Variants in APP observed in about 807,000 individuals in gnomAD.
The protein encoded by APP is amyloid beta precursor protein.
In APP, 31 loss-of-function variants were observed where a neutral mutation model predicts 101.4. The observed-to-expected ratio is 0.31, with a 90% CI of 0.23 to 0.41. The LOEUF is 0.41. Ranked by LOEUF, APP falls within the 10% of genes least tolerant of loss-of-function variation. The probability of loss-of-function intolerance (pLI) is 1.00; values close to 1 mark genes in which losing one functional copy is unlikely to be tolerated. For synonymous variants in APP, 366 were observed against 364.4 expected (o/e 1.00, Z -0.05); for missense variants, 839 against 1,003.7 (o/e 0.84, Z 2.22).
chr21:26,108,503 A>C (rs1266667979), intron 2 of APP, among the ~76,000 whole-genome samples: 1 of 152,218 alleles, frequency 6.6e-6, no homozygotes, highest in Non-Finnish European at 1.5e-5. Flanking sequence ...AGTCTCTGGG[A>C]GAACGAAGAT....
chr21:26,162,737 T>C (rs1473498885), intron 1 of APP, among the ~76,000 whole-genome samples: 8 of 149,792 alleles, frequency 5.3e-5, no homozygotes, highest in Middle Eastern at 6.3e-3. Flanking sequence ...ATGCAACAGA[T>C]CTCTTATTCT....
chr21:26,138,694 GAAAACAAAAC>G (rs151222318), intron 1 of APP, among the ~76,000 whole-genome samples: 480 of 150,278 alleles, frequency 3.2e-3, no homozygotes, highest in Middle Eastern at 6.8e-3. Context: ...GCCTGTCTCA[GAAAACAAAAC>G]AAAACAAAAC....
chr21:26,052,734 C>A (rs576569843), intron 4 of APP, among the ~76,000 whole-genome samples: 1 of 152,280 alleles, frequency 6.6e-6, no homozygotes, highest in South Asian at 2.1e-4. Flanking sequence ...AGCTACTTCA[C>A]TGTTCTACCA....
chr21:26,103,636 G>T (rs2062114357), intron 2 of APP, among the ~76,000 whole-genome samples: 1 of 152,106 alleles, frequency 6.6e-6, no homozygotes, highest in African/African-American at 2.4e-5. Flanking sequence ...TCTATCAATG[G>T]ATAGAAATGG....
chr21:26,117,508 G>A (rs998124227), intron 1 of APP, among the ~76,000 whole-genome samples: 2 of 152,158 alleles, frequency 1.3e-5, no homozygotes, highest in African/African-American at 4.8e-5. Flanking sequence ...TCACAAAAGT[G>A]GACCATAAGA....
intron 5 of APP, among the ~76,000 whole-genome samples, chr21:26,043,431 A>T (rs2045465734): frequency 6.6e-6 from 1 of 151,418 alleles, no homozygotes; most frequent in Admixed American, 6.6e-5. Context: ...GGGTTTTTCC[A>T]TGTTGGCCAG....
rs199585064 is a variant in APP at position 25,982,328 on chromosome 21, G to T, written c.1224+16C>A. On this transcript the variant is annotated intron_variant, in intron 9 of 17. Coordinates refer to ENST00000346798, the MANE Select transcript of APP (RefSeq NM_000484.4). Reference sequence around the variant, plus strand: ...CCCAATATCGTAGGGCTGAATGATGGAAGAGCCAGACTTACCTGGGACATT... The same window carrying T: ...CCCAATATCGTAGGGCTGAATGATGTAAGAGCCAGACTTACCTGGGACATT... 216 of 1,613,400 alleles carry T rather than the reference G, an allele frequency of 1.3e-4. 1 individual carries two copies. The highest frequency in any genetic ancestry group is 1.3e-3 in the Middle Eastern group (8 of 6,076).
chr21:26,122,232 T>G (rs529595053), intron 1 of APP, among the ~76,000 whole-genome samples: 13 of 152,188 alleles, frequency 8.5e-5, no homozygotes, highest in Middle Eastern at 3.2e-3. Flanking sequence ...GGAGAGGTAG[T>G]TAGCGGGATT....
intron 11 of APP, among the ~76,000 whole-genome samples, chr21:25,969,278 G>T (rs1184022254): frequency 6.9e-6 from 1 of 145,944 alleles, no homozygotes; most frequent in Non-Finnish European, 1.5e-5. Context: ...AACCCAGAAG[G>T]CGGAGCTTGC....
intron 3 of APP, among the ~76,000 whole-genome samples, chr21:26,070,658 C>A (rs1031169202): frequency 5.3e-5 from 8 of 152,168 alleles, no homozygotes; most frequent in African/African-American, 1.7e-4. Context: ...ATACTCAAAT[C>A]TATCTATAGA....
At chr21:26,113,798 G>A (rs1021448348) in intron 1 of APP, among the ~76,000 whole-genome samples, 1 of 152,160 alleles carries the variant, frequency 6.6e-6, no homozygotes, top group Non-Finnish European at 1.5e-5. Context: ...GGGATTAAGA[G>A]GAAATTCATT....
At chr21:26,037,612 G>A (rs1346441509) in intron 5 of APP, among the ~76,000 whole-genome samples, 2 of 152,142 alleles carry the variant, frequency 1.3e-5, no homozygotes, top group Non-Finnish European at 2.9e-5. Flanking sequence ...TTAGAGATGC[G>A]GTAACTGTGG....
In APP at chr21:26,002,982, A is replaced by G. The variant is rs142281084; in HGVS notation, c.866-2800T>C. Among the ~76,000 whole-genome samples the G allele has an allele frequency of 2.4e-4, 37 of 152,284 alleles. 1 individual carries two copies. The highest frequency in any genetic ancestry group is 4.0e-4 in the Non-Finnish European group (27 of 68,032). On this transcript the variant is annotated intron_variant, in intron 6 of 17. Coordinates refer to ENST00000346798, the MANE Select transcript of APP (RefSeq NM_000484.4). ...TCGAAGGAGATGATTCATGATAACT[A>G]TGTGCCCTTATGTGAAACCTAGCAA...
rs766455623 is a variant in APP, at chr21:25,881,702, T to C, written c.2281A>G (p.Thr761Ala). 5 of 1,613,840 alleles carry C rather than the reference T, an allele frequency of 3.1e-6. No homozygotes were observed. The highest frequency in any genetic ancestry group is 2.7e-5 in the African/African-American group (2 of 74,902). Residue 761 changes from threonine to alanine, a missense_variant, in exon 18 of 18, where the codon ACC becomes GCC. Transcript: ENST00000346798. Reference protein sequence around the residue: ...KMQQNGYENPTYKFFEQMQN With the variant: ...KMQQNGYENPAYKFFEQMQN The stretch of plus-strand genomic sequence containing the variant: ...TGCATCTGCTCAAAGAACTTGTAGG[T>C]TGGATTTTCGTAGCCGTTCTGCTGC...
At chr21:26,159,932 T>C (rs370075002) in intron 1 of APP, among the ~76,000 whole-genome samples, 24 of 152,234 alleles carry the variant, frequency 1.6e-4, no homozygotes, top group East Asian at 9.7e-4. Flanking sequence ...AGAAAGGAAC[T>C]ACCAAGAAAC....
chr21:26,138,931 C>T (rs1382922742), intron 1 of APP, among the ~76,000 whole-genome samples: 2 of 152,160 alleles, frequency 1.3e-5, no homozygotes, highest in African/African-American at 4.8e-5. Context: ...TTATTGTCTA[C>T]TTTCTTGGTA....
chr21:25,927,541 G>T (rs2039953370), intron 13 of APP, among the ~76,000 whole-genome samples: 1 of 152,138 alleles, frequency 6.6e-6, no homozygotes, highest in African/African-American at 2.4e-5. Context: ...GTTATTTTTA[G>T]CTACACTATC....
At chr21:26,077,904 C>T (rs1024007009) in intron 3 of APP, among the ~76,000 whole-genome samples, 5 of 151,858 alleles carry the variant, frequency 3.3e-5, no homozygotes, top group South Asian at 2.1e-4. Context: ...AAGAGAAAGA[C>T]GACAGAATTT....
chr21:25,980,348 AAGGGAGAT>A (rs375436689), intron 9 of APP, among the ~76,000 whole-genome samples: 208 of 152,326 alleles, frequency 1.4e-3, no homozygotes, highest in African/African-American at 4.7e-3. Flanking sequence ...CTTCATAAAG[AAGGGAGAT>A]AGGATGTAAA....
Sources: allele counts gnomAD v4.1 joint callset (sites outside exome capture counted in the v4.1 genomes callset), GRCh38; gene constraint gnomAD v4.1.1; transcripts MANE v1.5; gene names NCBI Gene and HGNC (gene_info 2026-07-23, HGNC 2026-07-21).